The following PPP1R9A variants were observed in gnomAD, a reference collection of about 807,000 sequenced individuals.
PPP1R9A encodes the protein neurabin-1.
A neutral mutation model predicts 141.9 loss-of-function variants in PPP1R9A; 59 were observed. The observed-to-expected ratio is 0.42, with a 90% CI of 0.34 to 0.52. PPP1R9A has a LOEUF of 0.52. PPP1R9A is among the 20% of genes least tolerant of loss of function. The probability of loss-of-function intolerance (pLI) is 0.10; values close to 1 mark genes in which losing one functional copy is unlikely to be tolerated. For missense variants in PPP1R9A, 1,444 were observed against 1,611.9 expected (o/e 0.90, Z 1.78); for synonymous variants, 500 against 569.7 (o/e 0.88, Z 1.74).
intron 2 of PPP1R9A, among the ~76,000 whole-genome samples, chr7:95,013,595 A>G (rs1289025762): frequency 6.6e-6 from 1 of 152,116 alleles, no homozygotes; most frequent in African/African-American, 2.4e-5. Flanking sequence ...AGAGACTCCT[A>G]CCTGACTGCT....
chr7:95,134,730 C>T (rs891342338), intron 4 of PPP1R9A, among the ~76,000 whole-genome samples: 8 of 152,168 alleles, frequency 5.3e-5, no homozygotes, highest in African/African-American at 1.4e-4. Flanking sequence ...CCACCACGCC[C>T]GGCCTATGTT....
intron 5 of PPP1R9A, among the ~76,000 whole-genome samples, chr7:95,185,572 C>T (rs1358329635): frequency 6.6e-6 from 1 of 152,036 alleles, no homozygotes; most frequent in African/African-American, 2.4e-5. Context: ...GTTGCATTTG[C>T]TTTTGGATTC....
At chr7:95,211,704 G>A (rs897102307) in intron 7 of PPP1R9A, among the ~76,000 whole-genome samples, 6 of 152,146 alleles carry the variant, frequency 3.9e-5, no homozygotes, top group African/African-American at 1.4e-4. Context: ...GGGATAGATA[G>A]GGTTAGGAGT....
intron 7 of PPP1R9A, among the ~76,000 whole-genome samples, chr7:95,209,425 G>A (rs1424872380): frequency 6.6e-6 from 1 of 152,146 alleles, no homozygotes; most frequent in Non-Finnish European, 1.5e-5. Context: ...GCGGGTGTTT[G>A]TGGGAAGCGG....
intron 2 of PPP1R9A, among the ~76,000 whole-genome samples, chr7:95,110,288 C>G (rs1234256623): frequency 6.6e-6 from 1 of 152,054 alleles, no homozygotes; most frequent in Non-Finnish European, 1.5e-5. Flanking sequence ...TAGTCTTTGG[C>G]CTTCTTTTCT....
At chr7:94,944,670 C>G (rs1168525327) in intron 2 of PPP1R9A, among the ~76,000 whole-genome samples, 1 of 152,014 alleles carries the variant, frequency 6.6e-6, no homozygotes, top group African/African-American at 2.4e-5. Flanking sequence ...CTTTTCAGAG[C>G]AGTTTTTGTA....
intron 7 of PPP1R9A, among the ~76,000 whole-genome samples, chr7:95,207,218 G>A (rs1322573710): frequency 2.6e-5 from 4 of 150,978 alleles, no homozygotes; most frequent in Non-Finnish European, 3.0e-5. Context: ...AGAAAGGGAG[G>A]GAGGAAAAGA....
intron 7 of PPP1R9A, among the ~76,000 whole-genome samples, chr7:95,212,099 A>G (rs1369776794): frequency 6.6e-6 from 1 of 152,202 alleles, no homozygotes; most frequent in Non-Finnish European, 1.5e-5. Flanking sequence ...AGGAATTTTT[A>G]TATATTTAAA....
At chr7:95,026,180 T>C (rs1806807033) in intron 2 of PPP1R9A, among the ~76,000 whole-genome samples, 1 of 152,250 alleles carries the variant, frequency 6.6e-6, no homozygotes, top group Non-Finnish European at 1.5e-5. Flanking sequence ...TTTTCAGCCT[T>C]TTCATGCTGG....
chr7:95,100,179 G>A (rs1264598337), intron 2 of PPP1R9A, among the ~76,000 whole-genome samples: 4 of 152,010 alleles, frequency 2.6e-5, no homozygotes, highest in Admixed American at 6.6e-5. Flanking sequence ...CAGCACTTTC[G>A]GAGGCCGAGG....
At chr7:94,960,699 C>A (rs1285845776) in intron 2 of PPP1R9A, among the ~76,000 whole-genome samples, 1 of 151,656 alleles carries the variant, frequency 6.6e-6, no homozygotes, top group Non-Finnish European at 1.5e-5. Context: ...AAGTTAACAA[C>A]TTTTCAGGGG....
intron 2 of PPP1R9A, among the ~76,000 whole-genome samples, chr7:95,050,329 T>C (rs1279600187): frequency 6.6e-6 from 1 of 152,214 alleles, no homozygotes; most frequent in Non-Finnish European, 1.5e-5. Context: ...TTTGTTATTG[T>C]TGGCTTTTAA....
At chr7:95,140,579 C>T (rs113836153) in intron 4 of PPP1R9A, among the ~76,000 whole-genome samples, 18,964 of 152,008 alleles carry the variant, frequency 0.12, 1,286 homozygotes, top group East Asian at 0.18. Context: ...TTAGTATAGA[C>T]GGGGTTTTGC....
At chr7:95,080,047 T>A (rs1815549802) in intron 2 of PPP1R9A, among the ~76,000 whole-genome samples, 1 of 152,130 alleles carries the variant, frequency 6.6e-6, no homozygotes, top group Admixed American at 6.5e-5. Context: ...ATGCCCTCTC[T>A]CACCACTCCT....
chr7:95,038,276 G>T (rs960221576), intron 2 of PPP1R9A, among the ~76,000 whole-genome samples: 2 of 152,076 alleles, frequency 1.3e-5, no homozygotes, highest in South Asian at 2.1e-4. Flanking sequence ...TCTCAGCCAA[G>T]ATCTATTTAC....
chr7:94,927,820 T>A (rs1252210722), intron 2 of PPP1R9A, among the ~76,000 whole-genome samples: 1 of 152,220 alleles, frequency 6.6e-6, no homozygotes, highest in African/African-American at 2.4e-5. Flanking sequence ...TTCAGTGTTC[T>A]GATTATTATT....
chr7:95,081,201 G>GT (rs1815774129), intron 2 of PPP1R9A, among the ~76,000 whole-genome samples: 1 of 152,146 alleles, frequency 6.6e-6, no homozygotes, highest in Non-Finnish European at 1.5e-5. Flanking sequence ...ATAGCCAGCA[G>GT]TAACAGGGTA....
chr7:94,971,119 A>C (rs920082482), intron 2 of PPP1R9A, among the ~76,000 whole-genome samples: 5 of 152,194 alleles, frequency 3.3e-5, no homozygotes, highest in Admixed American at 6.5e-5. Flanking sequence ...GAGAAAAAAA[A>C]GCAATACTTG....
chr7:95,174,694 T>G lies in PPP1R9A; in HGVS notation c.1754+12723T>G, dbSNP rs144701043. Among the ~76,000 whole-genome samples, 700 of 152,286 alleles carry G rather than the reference T, an allele frequency of 4.6e-3. 5 individuals carry two copies. The highest frequency in any genetic ancestry group is 0.016 in the African/African-American group (659 of 41,576). On this transcript the variant is annotated intron_variant, in intron 5 of 19. Transcript: ENST00000433360. ...ATTAGCAATCTCTAGATTTTATGGT[T>G]CTGTGTACTTTTACTTTTAAAATAT...
Sources: gnomAD v4.1 joint callset for allele counts (sites outside exome capture counted in the v4.1 genomes callset) on GRCh38, gnomAD v4.1.1 for gene constraint, MANE v1.5 for transcripts, NCBI Gene and HGNC (gene_info 2026-07-23, HGNC 2026-07-21) for gene names.